The following PLA2G4E variants were observed in gnomAD, a reference collection of about 807,000 sequenced individuals.
The protein encoded by PLA2G4E is phospholipase A2 group IVE.
PLA2G4E carries 84 observed loss-of-function variants against 109.1 expected under a neutral mutation model. That is an observed-to-expected ratio of 0.77 (90% CI 0.65 to 0.92). The LOEUF (loss-of-function observed/expected upper bound fraction) is 0.92, where lower values mean the gene tolerates loss of function less well. PLA2G4E is among the 40% of genes least tolerant of loss of function. PLA2G4E has a pLI of 0.00. For synonymous variants in PLA2G4E, 469 were observed against 436.1 expected (o/e 1.08, Z -0.94); for missense variants, 1,057 against 1,076.6 (o/e 0.98, Z 0.25).
chr15:42,042,806 G>C (rs541871096), intron 1 of PLA2G4E, among the ~76,000 whole-genome samples: 3 of 152,210 alleles, frequency 2.0e-5, no homozygotes, highest in East Asian at 3.8e-4. Flanking sequence ...GGCAAGGAAG[G>C]GGGCAGAGCC....
intron 1 of PLA2G4E, among the ~76,000 whole-genome samples, chr15:42,045,003 G>T (rs752929714): frequency 1.3e-5 from 2 of 151,778 alleles, no homozygotes; most frequent in Non-Finnish European, 2.9e-5. Context: ...AGATATGAGG[G>T]CATCCAGTGG....
exon 19 of PLA2G4E, chr15:41,984,545 A>G: frequency 6.2e-7 from 1 of 1,613,934 alleles, no homozygotes; most frequent in Non-Finnish European, 8.5e-7. Context: ...TGAGATTTTC[A>G]TTCTCATCTG....
rs764140866 is a variant in PLA2G4E at position 41,983,866 on chromosome 15, T to A, written c.2495A>T (p.Lys832Met). ...GTTATACTCTGAGAGTTTCACCAGC[T>A]TGTCAAAGGTGGCCTCTGTGTATGT... The change falls in exon 20 of 20, where the codon AAG becomes ATG. Residue 832 changes from lysine (K) to methionine (M), a missense_variant. Physicochemically the swap from Lys to Met is moderately conservative, Grantham distance 95. Coordinates refer to ENST00000399518, the Ensembl canonical transcript of PLA2G4E. 109 of 1,613,302 alleles carry A rather than the reference T, an allele frequency of 6.8e-5. No homozygotes were observed. In the Middle Eastern group the frequency reaches 9.9e-4, roughly 15 times the overall value.
chr15:42,036,013 C>T (rs1226348488), intron 1 of PLA2G4E, among the ~76,000 whole-genome samples: 1 of 151,812 alleles, frequency 6.6e-6, no homozygotes, highest in East Asian at 1.9e-4. Flanking sequence ...CTCTACTTTA[C>T]ATTAGGCTTG....
At chr15:42,033,188 A>T (rs188339919) in intron 1 of PLA2G4E, among the ~76,000 whole-genome samples, 3 of 152,240 alleles carry the variant, frequency 2.0e-5, no homozygotes, top group Admixed American at 2.0e-4. Context: ...CTCTTGCTGG[A>T]GAATAAAGTC....
chr15:42,022,896 G>A (rs1034949196), intron 1 of PLA2G4E, among the ~76,000 whole-genome samples: 1 of 152,182 alleles, frequency 6.6e-6, no homozygotes, highest in Non-Finnish European at 1.5e-5. Flanking sequence ...ATTCCAGCTG[G>A]AGAGGGAAAG....
chr15:42,032,947 C>A (rs1227144731), intron 1 of PLA2G4E, among the ~76,000 whole-genome samples: 1 of 152,134 alleles, frequency 6.6e-6, no homozygotes, highest in Non-Finnish European at 1.5e-5. Flanking sequence ...CCCACCCCTC[C>A]CCACTGCATG....
rs1430344817 is a variant in PLA2G4E at position 41,986,057 on chromosome 15, T to A, written c.2036-52A>T. 5.8e-6 allele frequency: 9 copies of A among 1,538,650 alleles called. No homozygotes were observed. In the Admixed American group the frequency reaches 7.8e-5, roughly 13 times the overall value. ...ACACACCTGGTGCCCTGACAGCCAA[T>A]GGACAGAGGCACTTGGGGGGACGGA... On this transcript the variant is annotated intron_variant, in intron 17 of 19. Transcript: ENST00000399518.
At chr15:42,045,505 C>A (rs1296815067) in intron 1 of PLA2G4E, among the ~76,000 whole-genome samples, 1 of 152,224 alleles carries the variant, frequency 6.6e-6, no homozygotes, top group Admixed American at 6.5e-5. Context: ...AAGGCATGAA[C>A]AAGCAGCTGC....
At chr15:42,029,616 T>C (rs987316679) in intron 1 of PLA2G4E, among the ~76,000 whole-genome samples, 2 of 152,230 alleles carry the variant, frequency 1.3e-5, no homozygotes, top group African/African-American at 4.8e-5. Context: ...AGACTGAGTA[T>C]GGTATAGCGG....
chr15:42,043,233 G>C (rs1034931329), intron 1 of PLA2G4E, among the ~76,000 whole-genome samples: 1 of 152,178 alleles, frequency 6.6e-6, no homozygotes, highest in Non-Finnish European at 1.5e-5. Context: ...AAGCATGTGG[G>C]AGAGGCCTTC....
At chr15:41,988,241 C>G (rs567878151) in intron 15 of PLA2G4E, 85 bp from the exon 16 acceptor site, 4 of 867,688 alleles carry the variant, frequency 4.6e-6, no homozygotes, top group East Asian at 3.8e-5. Context: ...CCCCCACCCC[C>G]CCACCCCACG....
At chr15:42,003,844 G>A (rs753677675) in intron 5 of PLA2G4E, among the ~76,000 whole-genome samples, 19 of 152,134 alleles carry the variant, frequency 1.2e-4, no homozygotes, top group East Asian at 1.9e-4. Context: ...CACTCTGCCC[G>A]GCCTGAGGCG....
At chr15:42,047,817 G>A (rs1889440818) in intron 1 of PLA2G4E, among the ~76,000 whole-genome samples, 1 of 152,106 alleles carries the variant, frequency 6.6e-6, no homozygotes, top group Non-Finnish European at 1.5e-5. Context: ...ATGGAAATTT[G>A]CAAAAATAAA....
intron 1 of PLA2G4E, among the ~76,000 whole-genome samples, chr15:42,028,500 G>GGCTTCAAGCAATTTTCCT (rs1889060710): frequency 6.6e-6 from 1 of 151,972 alleles, no homozygotes; most frequent in African/African-American, 2.4e-5. Flanking sequence ...TCCACCTCCT[G>GGCTTCAAGCAATTTTCCT]GCTTCAAGCA....
intron 13 of PLA2G4E, 128 bp from the exon 14 acceptor site, chr15:41,990,363 C>A (rs562195091): frequency 2.5e-6 from 2 of 799,926 alleles, no homozygotes; most frequent in East Asian, 5.0e-5. Flanking sequence ...GCTGCTGTAT[C>A]GGCCCCAGCT....
rs2068272671 is a variant in PLA2G4E at position 41,992,767 on chromosome 15, GC to G, written c.1439del (p.Gly480AlafsTer3). 1.2e-6 allele frequency: 2 copies of G among 1,612,796 alleles called. No individual in the cohort carries two copies. Among genetic ancestry groups the G allele is most frequent in the Non-Finnish European group, 1.7e-6 (2 of 1,179,870 alleles). Reference sequence around the variant, plus strand: ...CCCCCAGGCAGGTCTCTATCAGCAGGCCCCAGAAGTCTGTAAAGGTGACCCT... The same window carrying G: ...CCCCCAGGCAGGTCTCTATCAGCAGGCCCAGAAGTCTGTAAAGGTGACCCT... On this transcript the variant is annotated frameshift_variant, in exon 13 of 20. Coordinates refer to ENST00000399518, the Ensembl canonical transcript of PLA2G4E. LOFTEE classifies it high-confidence loss of function.
In PLA2G4E at chr15:41,987,379, C is replaced by T. The variant is rs2068159832; in HGVS notation, c.1832-4G>A. On this transcript the variant is annotated splice_region_variant and splice_polypyrimidine_tract_variant and intron_variant, in intron 16 of 19. Coordinates refer to ENST00000399518, the Ensembl canonical transcript of PLA2G4E. ...TCAGGCAGGATCGGCTCGTCTTCTG[C>T]AGGGGAGGGAGGGATGAAGGGCAGG... 6.2e-7 allele frequency: 1 copy of T among 1,612,288 alleles called. No individual in the cohort carries two copies. Among genetic ancestry groups the T allele is most frequent in the Non-Finnish European group, 8.5e-7 (1 of 1,179,066 alleles).
intron 4 of PLA2G4E, 118 bp downstream of exon 4, chr15:42,005,872 C>A: frequency 1.6e-6 from 2 of 1,267,874 alleles, no homozygotes; most frequent in Non-Finnish European, 2.2e-6. Context: ...GCAGCACCAT[C>A]TTTTCTCAAC....
Sources: gnomAD v4.1 joint callset for allele counts (sites outside exome capture counted in the v4.1 genomes callset) on GRCh38, gnomAD v4.1.1 for gene constraint, MANE v1.5 for transcripts, NCBI Gene and HGNC (gene_info 2026-07-23, HGNC 2026-07-21) for gene names.